The following MRPL19 variants were observed in gnomAD, a reference collection of about 807,000 sequenced individuals.
MRPL19 encodes the protein mitochondrial ribosomal protein L19.
Under a neutral mutation model 34.0 loss-of-function variants are expected in MRPL19, and 31 were observed. The ratio of observed to expected loss-of-function variants is 0.91; its 90% CI spans 0.68 to 1.23. The LOEUF is 1.23. MRPL19 is among the 50% of genes most tolerant of loss of function. MRPL19 has a pLI of 0.00. For missense variants in MRPL19, 384 were observed against 367.6 expected, an observed-to-expected ratio of 1.04 and a Z score of -0.37; for synonymous variants, 152 against 127.7, an observed-to-expected ratio of 1.19 and a Z score of -1.28.
intron 2 of MRPL19, among the ~76,000 whole-genome samples, chr2:75,649,778 C>T (rs953993111): frequency 3.9e-5 from 6 of 151,992 alleles, no homozygotes; most frequent in East Asian, 1.9e-4. Context: ...TACAGGTGCC[C>T]GCCACCATGC....
intron 4 of MRPL19, among the ~76,000 whole-genome samples, chr2:75,653,019 G>T (rs996583414): frequency 1.3e-5 from 2 of 152,140 alleles, no homozygotes; most frequent in Non-Finnish European, 2.9e-5. Context: ...ATGTCTTCAT[G>T]AATTACTTGC....
chr2:75,652,345 G>T, intron 3 of MRPL19, 85 bp downstream of exon 3: 1 of 1,317,400 alleles, frequency 7.6e-7, no homozygotes, highest in South Asian at 1.3e-5. Flanking sequence ...AAAAGCAAAA[G>T]AAGATTGTTT....
At chr2:75,651,375 A>G (rs1045006812) in intron 2 of MRPL19, 12 of 534,754 alleles carry the variant, frequency 2.2e-5, no homozygotes, top group African/African-American at 1.9e-4. Flanking sequence ...ATGACACCGC[A>G]TATGTACCTG....
At position 75,647,238 on chromosome 2, in the gene MRPL19, G is replaced by A; in HGVS notation, c.221+19G>A. On this transcript the variant is annotated intron_variant, in intron 2 of 5. Coordinates refer to ENST00000393909, the MANE Select transcript of MRPL19 (RefSeq NM_014763.4). ...AACGCAGGTGAGGCACTGCCCTGGC[G>A]CTAGGCCGGCAACTGGGGTCGGTGC... 2 of 1,561,628 alleles carry A rather than the reference G, an allele frequency of 1.3e-6. No individual in the cohort carries two copies.
chr2:75,654,626 T>G, intron 4 of MRPL19, 110 bp from the exon 5 acceptor site: 1 of 935,102 alleles, frequency 1.1e-6, no homozygotes, highest in Non-Finnish European at 1.5e-6. Context: ...GCACATTTTC[T>G]ACATGCAAAA....
At position 75,659,994 on chromosome 2, in the gene MRPL19, G is replaced by A. The variant is rs964435871; in HGVS notation, c.*4709G>A. On this transcript the variant is annotated 3_prime_UTR_variant, in exon 6 of 6. Coordinates refer to ENST00000393909, the MANE Select transcript of MRPL19 (RefSeq NM_014763.4). ...CTTTTCCTTCTGAAATATTCTTAATGTATATGTTGGTCTGTTTGATGCTGT... is the reference window on the plus strand; with the variant it reads ...CTTTTCCTTCTGAAATATTCTTAATATATATGTTGGTCTGTTTGATGCTGT... 6.6e-6 allele frequency among the ~76,000 whole-genome samples: 1 copy of A among 152,026 alleles called. No homozygotes were observed. The highest frequency in any genetic ancestry group is 6.6e-5 in the Admixed American group (1 of 15,256).
At position 75,646,896 on chromosome 2, in the gene MRPL19, C is replaced by A; in HGVS notation, c.89C>A (p.Ala30Asp). Residue 30 changes from alanine (A) to aspartate (D), a missense_variant, in exon 1 of 6, where the codon GCC becomes GAC. Ala to Asp is a moderately radical substitution (Grantham distance 126). Coordinates refer to ENST00000393909, the MANE Select transcript of MRPL19 (RefSeq NM_014763.4). Reference protein sequence around the residue: ...QAARTLLPPPASIACRVHAGP... With the variant: ...QAARTLLPPPDSIACRVHAGP... Reference sequence around the variant, plus strand: ...GCCAGGACTCTGCTCCCCCCGCCGGCCTCTATCGCCTGCAGTAAGTGGAGC... The same window carrying A: ...GCCAGGACTCTGCTCCCCCCGCCGGACTCTATCGCCTGCAGTAAGTGGAGC... The A allele has an allele frequency of 6.3e-7, 1 of 1,595,816 alleles. No individual in the cohort carries two copies. The highest frequency in any genetic ancestry group is 8.5e-7 in the Non-Finnish European group (1 of 1,171,488).
At chr2:75,650,817 G>A (rs1056627569) in intron 2 of MRPL19, among the ~76,000 whole-genome samples, 8 of 152,146 alleles carry the variant, frequency 5.3e-5, no homozygotes, top group Non-Finnish European at 1.2e-4. Context: ...ATTTCTTCAA[G>A]GGATACTGCT....
intron 4 of MRPL19, among the ~76,000 whole-genome samples, chr2:75,653,260 T>A (rs1573027906): frequency 6.6e-6 from 1 of 152,234 alleles, no homozygotes; most frequent in African/African-American, 2.4e-5. Flanking sequence ...TATTCTTATT[T>A]TCAAAGAAAT....
chr2:75,655,922 CTAT>C lies in MRPL19; in HGVS notation c.*642_*644del, dbSNP rs2104138217. On this transcript the variant is annotated 3_prime_UTR_variant, in exon 6 of 6. Transcript: ENST00000393909. Reference sequence around the variant, plus strand: ...TAGCAAGTATAAAGGGGCAGTATTACTATTATTGCATGAAGGCTTCAAGGGAAA... The same window carrying C: ...TAGCAAGTATAAAGGGGCAGTATTACTATTGCATGAAGGCTTCAAGGGAAA... 1 of 151,660 alleles carries C rather than the reference CTAT, an allele frequency of 6.6e-6. No individual in the cohort carries two copies. The highest frequency in any genetic ancestry group is 1.5e-5 in the Non-Finnish European group (1 of 67,982). The allele number at this position is 151,660 out of a possible 1,614,324, so 9.4% of individuals were successfully genotyped here.
chr2:75,659,714 T>C lies in MRPL19; in HGVS notation c.*4429T>C, dbSNP rs1678557196. ...GTCATCCCACTACCTTCTGACTTCA[T>C]GGTTTCTCATGAGATATTAGATGTT... On this transcript the variant is annotated 3_prime_UTR_variant, in exon 6 of 6. Transcript: ENST00000393909. 6.6e-6 allele frequency among the ~76,000 whole-genome samples: 1 copy of C among 152,206 alleles called. No individual in the cohort carries two copies. Among genetic ancestry groups the C allele is most frequent in the Non-Finnish European group, 1.5e-5 (1 of 68,028 alleles).
At chr2:75,653,043 AC>A (rs1196360149) in intron 4 of MRPL19, among the ~76,000 whole-genome samples, 1 of 152,252 alleles carries the variant, frequency 6.6e-6, no homozygotes, top group Non-Finnish European at 1.5e-5. Flanking sequence ...TAAAATGAAT[AC>A]CCACATTTTA....
intron 4 of MRPL19, 40 bp from the exon 5 acceptor site, chr2:75,654,696 T>C (rs368298493): frequency 3.8e-6 from 6 of 1,590,238 alleles, no homozygotes; most frequent in African/African-American, 1.3e-5. Context: ...TATAGGAACG[T>C]GGACTTAGAT....
At chr2:75,648,478 A>T (rs1485987669) in intron 2 of MRPL19, among the ~76,000 whole-genome samples, 1 of 152,244 alleles carries the variant, frequency 6.6e-6, no homozygotes, top group Non-Finnish European at 1.5e-5. Context: ...ATTAGAGCTC[A>T]CTTTTAAACA....
chr2:75,647,442 G>T, intron 2 of MRPL19: 1 of 518,012 alleles, frequency 1.9e-6, no homozygotes, highest in Non-Finnish European at 3.4e-6. Context: ...CTTCAAGTAG[G>T]GGTTCCCCAT....
At position 75,655,572 on chromosome 2, in the gene MRPL19, A is replaced by G. The variant is rs1573029340; in HGVS notation, c.*287A>G. 3.7e-6 allele frequency: 1 copy of G among 268,316 alleles called. No homozygotes were observed. Among genetic ancestry groups the G allele is most frequent in the East Asian group, 7.5e-5 (1 of 13,416 alleles). 16.6% of individuals were successfully genotyped at this position (268,316 alleles called of 1,614,324 possible). A position where few individuals can be genotyped will look rare whatever the true frequency, so the allele number is the denominator to read the frequency against. On this transcript the variant is annotated 3_prime_UTR_variant, in exon 6 of 6. Transcript: ENST00000393909. The stretch of plus-strand genomic sequence containing the variant: ...TCTTTAATGAGCATGGAACCTGAGC[A>G]AAGGGAATAGGTGGGATGAATTTTT...
Position 75,646,798 on chromosome 2 carries a change from G to A in MRPL19, c.-10G>A, listed in dbSNP as rs956544785. On this transcript the variant is annotated 5_prime_UTR_variant, in exon 1 of 6. Transcript: ENST00000393909. The stretch of plus-strand genomic sequence containing the variant: ...ACTGGGAGCTGTAGTCTTGACGTGA[G>A]CTAGCTGGCATGGCGGCCTGCATTG... 3 of 1,501,962 alleles carry A rather than the reference G, an allele frequency of 2.0e-6. No individual in the cohort carries two copies. The Admixed American group carries it at 7.1e-5, about 35-fold the overall frequency. The allele number at this position is 1,501,962 out of a possible 1,614,324, so 93.0% of individuals were successfully genotyped here.
intron 4 of MRPL19, among the ~76,000 whole-genome samples, chr2:75,653,452 AG>A (rs1347663132): frequency 6.6e-6 from 1 of 152,244 alleles, no homozygotes; most frequent in Non-Finnish European, 1.5e-5. Context: ...GCATTAAGAT[AG>A]TAATAGTTTC....
In MRPL19 at chr2:75,661,300, T is replaced by G. The variant is rs1573033236; in HGVS notation, c.*6015T>G. 3 of 152,312 alleles carry G rather than the reference T, an allele frequency of 2.0e-5. No homozygotes were observed. In the South Asian group the frequency reaches 6.2e-4, roughly 32 times the overall value. 9.4% of individuals were successfully genotyped at this position (152,312 alleles called of 1,614,324 possible). A position where few individuals can be genotyped will look rare whatever the true frequency, so the allele number is the denominator to read the frequency against. On this transcript the variant is annotated 3_prime_UTR_variant, in exon 6 of 6. Transcript: ENST00000393909. Reference sequence around the variant, plus strand: ...CTGTTTTTCAGAGTTCTGATAAAATTGGCTATGCCTGTTCCTGCTTTAAAA... The same window carrying G: ...CTGTTTTTCAGAGTTCTGATAAAATGGGCTATGCCTGTTCCTGCTTTAAAA...
Sources: gnomAD v4.1 joint callset for allele counts (sites outside exome capture counted in the v4.1 genomes callset) on GRCh38, gnomAD v4.1.1 for gene constraint, MANE v1.5 for transcripts, NCBI Gene and HGNC (gene_info 2026-07-23, HGNC 2026-07-21) for gene names.